The following TBC1D13 variants were observed in gnomAD, a reference collection of about 807,000 sequenced individuals.
TBC1D13 encodes the protein epididymis secretory sperm binding protein.
TBC1D13 carries 40 observed loss-of-function variants against 53.6 expected under a neutral mutation model. The ratio of observed to expected loss-of-function variants is 0.75; its 90% confidence interval spans 0.58 to 0.97. The LOEUF (loss-of-function observed/expected upper bound fraction) is 0.97, where lower values mean the gene tolerates loss of function less well. Ranked by LOEUF, TBC1D13 falls within the 50% of genes least tolerant of loss-of-function variation. The pLI is 0.00. For missense variants in TBC1D13, 377 were observed against 499.4 expected (o/e 0.75, Z 2.34); for synonymous variants, 182 against 197.7 (o/e 0.92, Z 0.67).
chr9:128,789,747 G>A (rs1829494115), intron 2 of TBC1D13: 1 of 149,336 alleles, frequency 6.7e-6, no homozygotes. Flanking sequence ...TTGTCCTTCT[G>A]GGGCTTACCC....
chr9:128,798,177 C>T (rs1424053276), intron 7 of TBC1D13, among the ~76,000 whole-genome samples: 5 of 151,852 alleles, frequency 3.3e-5, no homozygotes, highest in South Asian at 2.1e-4. Flanking sequence ...TGCTCGAACC[C>T]GGGAGGTGGA....
At chr9:128,802,089 C>G (rs1829746775) in intron 7 of TBC1D13, among the ~76,000 whole-genome samples, 1 of 142,588 alleles carries the variant, frequency 7.0e-6, no homozygotes, top group Admixed American at 7.7e-5. Flanking sequence ...GAGTTTCACT[C>G]TTGTTGCCCA....
In TBC1D13 at chr9:128,791,724, A is replaced by T. The variant is rs762326414; in HGVS notation, c.300+31A>T. On this transcript the variant is annotated intron_variant, in intron 5 of 11. Transcript: ENST00000372648. The stretch of plus-strand genomic sequence containing the variant: ...TAGAGGTTGACAGCGGAGACCCAGG[A>T]TACAGAATGTGGAGGGGTGGCGGCC... The T allele has an allele frequency of 1.9e-6, 3 of 1,602,218 alleles. No homozygotes were observed. In the South Asian group the frequency reaches 3.3e-5, roughly 18 times the overall value.
chr9:128,803,357 C>T lies in TBC1D13; in HGVS notation c.651C>T (p.Ile217=). 2 of 1,614,232 alleles carry T rather than the reference C, an allele frequency of 1.2e-6. No individual in the cohort carries two copies. Among genetic ancestry groups the T allele is most frequent in the East Asian group, 2.2e-5 (1 of 44,886 alleles). The change falls in exon 8 of 12, where the codon ATC becomes ATT. Residue 217 remains isoleucine, a synonymous_variant. Coordinates refer to ENST00000372648, the MANE Select transcript of TBC1D13 (RefSeq NM_018201.5). ...HWEVVERILF[I]YAKLNPGIAY... is the part of the protein sequence containing the mutation. The stretch of plus-strand genomic sequence containing the variant: ...AGGTGGTGGAGCGGATCCTGTTCAT[C>T]TACGCCAAGCTCAACCCTGGCATCG...
At chr9:128,788,817 C>G (rs1378711666) in intron 2 of TBC1D13, among the ~76,000 whole-genome samples, 1 of 152,170 alleles carries the variant, frequency 6.6e-6, no homozygotes, top group Non-Finnish European at 1.5e-5. Context: ...TCCTTGTTCT[C>G]TCCCTGGCTT....
At chr9:128,789,871 CAG>C (rs1218484597) in intron 2 of TBC1D13, 1 of 147,338 alleles carries the variant, frequency 6.8e-6, no homozygotes. Context: ...TTGCTTATAA[CAG>C]GGGGAACTGA....
chr9:128,803,090 A>G (rs929891254), intron 7 of TBC1D13, among the ~76,000 whole-genome samples, 160 bp from the exon 8 acceptor site: 8 of 151,282 alleles, frequency 5.3e-5, no homozygotes, highest in African/African-American at 1.2e-4. Flanking sequence ...GTCTTGCTCT[A>G]TCACCCAGGC....
intron 2 of TBC1D13, among the ~76,000 whole-genome samples, chr9:128,788,798 C>T (rs1829477059): frequency 6.6e-6 from 1 of 152,172 alleles, no homozygotes; most frequent in South Asian, 2.1e-4. Flanking sequence ...TGGTTAACTG[C>T]AGGGTTGTTC....
intron 7 of TBC1D13, among the ~76,000 whole-genome samples, chr9:128,801,235 C>T (rs947412309): frequency 1.3e-5 from 2 of 152,014 alleles, no homozygotes; most frequent in African/African-American, 4.8e-5. Context: ...AACCATGAGT[C>T]CATAATATCA....
intron 2 of TBC1D13, among the ~76,000 whole-genome samples, chr9:128,790,257 C>CAAAA (rs10658153): frequency 0.022 from 2,370 of 107,442 alleles, 75 homozygotes; most frequent in Non-Finnish European, 0.03. Context: ...ACTTTGTCTC[C>CAAAA]AAAAAAAAAA....
chr9:128,808,408 CGT>C lies in TBC1D13; in HGVS notation c.*576_*577del, dbSNP rs3138859. On this transcript the variant is annotated 3_prime_UTR_variant, in exon 12 of 12. Transcript: ENST00000372648. Reference sequence around the variant, plus strand: ...GGCCCAAGTCCCCAGGCATCTTCTCCGTGTGTGTGTGTGTGTGTGTGTGTGTG... The same window carrying C: ...GGCCCAAGTCCCCAGGCATCTTCTCCGTGTGTGTGTGTGTGTGTGTGTGTG... 6,974 of 121,686 alleles carry C rather than the reference CGT, an allele frequency of 0.057. 225 individuals carry two copies. The highest frequency in any genetic ancestry group is 0.068 in the African/African-American group (1,789 of 26,232). 7.5% of individuals were successfully genotyped at this position (121,686 alleles called of 1,614,324 possible). A position where few individuals can be genotyped will look rare whatever the true frequency, so the allele number is the denominator to read the frequency against.
intron 7 of TBC1D13, among the ~76,000 whole-genome samples, chr9:128,800,559 T>A (rs1329805658): frequency 2.0e-5 from 3 of 151,458 alleles, no homozygotes; most frequent in African/African-American, 7.3e-5. Context: ...TTAGTAGAGA[T>A]TTTTGGCCAG....
At chr9:128,789,820 C>T (rs1589565035) in intron 2 of TBC1D13, 1 of 7,946 alleles carries the variant, frequency 1.3e-4, no homozygotes, top group Non-Finnish European at 3.7e-4. Context: ...TATAATAATT[C>T]CACTTATGAC....
At chr9:128,799,246 A>C (rs1206773330) in intron 7 of TBC1D13, among the ~76,000 whole-genome samples, 1 of 152,160 alleles carries the variant, frequency 6.6e-6, no homozygotes, top group East Asian at 1.9e-4. Flanking sequence ...ACTAGGTGTA[A>C]AGAGCACTGT....
In TBC1D13 at chr9:128,803,938, C is replaced by A. The variant is rs1189321854; in HGVS notation, c.755-18C>A. ...GCCTGGAGTGCGCCACTTCTGCCCC[C>A]ATCCTGCTCTCTCCCAGAGCACGCC... On this transcript the variant is annotated intron_variant, in intron 8 of 11. Transcript: ENST00000372648. 6.2e-7 allele frequency: 1 copy of A among 1,611,822 alleles called. No individual in the cohort carries two copies.
At chr9:128,792,420 G>C in intron 5 of TBC1D13, 72 bp from the exon 6 acceptor site, 2 of 1,409,206 alleles carry the variant, frequency 1.4e-6, no homozygotes, top group Non-Finnish European at 2.0e-6. Context: ...CCACTGCTCA[G>C]GTTTCCGGGA....
Position 128,807,861 on chromosome 9 carries a change from G to A in TBC1D13, c.1185G>A (p.Glu395=). 6.2e-7 allele frequency: 1 copy of A among 1,614,194 alleles called. No individual in the cohort carries two copies. Among genetic ancestry groups the A allele is most frequent in the Non-Finnish European group, 8.5e-7 (1 of 1,180,020 alleles). ...DVCQILQKAK[E]LQDSK is the part of the protein sequence containing the mutation. The stretch of plus-strand genomic sequence containing the variant: ...GCCAGATCCTGCAGAAAGCCAAGGA[G>A]CTCCAAGACTCAAAGTAGCCCGGCG... Residue 395 remains glutamate (E), a synonymous_variant, in exon 12 of 12, where the codon GAG becomes GAA. Coordinates refer to ENST00000372648, the MANE Select transcript of TBC1D13 (RefSeq NM_018201.5).
intron 7 of TBC1D13, among the ~76,000 whole-genome samples, chr9:128,801,318 T>C (rs963533594): frequency 6.6e-6 from 1 of 152,200 alleles, no homozygotes; most frequent in African/African-American, 2.4e-5. Context: ...ATTCTCTTTC[T>C]TTGGTCTCTT....
chr9:128,806,381 A>G, intron 11 of TBC1D13, 70 bp downstream of exon 11: 4 of 1,575,652 alleles, frequency 2.5e-6, no homozygotes, highest in Non-Finnish European at 3.5e-6. Flanking sequence ...TGCCCACGCC[A>G]GCTGCTGCGA....
Sources: allele counts gnomAD v4.1 joint callset (sites outside exome capture counted in the v4.1 genomes callset), GRCh38; gene constraint gnomAD v4.1.1; transcripts MANE v1.5; gene names NCBI Gene and HGNC (gene_info 2026-07-23, HGNC 2026-07-21).